CACNA2D4: variants seen among roughly 807,000 people sequenced by gnomAD.
The protein encoded by CACNA2D4 is calcium voltage-gated channel auxiliary subunit alpha2delta 4.
A neutral mutation model predicts 163.8 loss-of-function variants in CACNA2D4; 157 were observed. The ratio of observed to expected loss-of-function variants is 0.96; its 90% CI spans 0.84 to 1.09. CACNA2D4 has a LOEUF of 1.09. Among genes scored for constraint, CACNA2D4 ranks in the 50% least tolerant of loss-of-function variants. The pLI, the probability that CACNA2D4 is intolerant of heterozygous loss-of-function variation, is 0.00. For synonymous variants in CACNA2D4, 598 were observed against 586.9 expected, an observed-to-expected ratio of 1.02 and a Z score of -0.27; for missense variants, 1,410 against 1,479.9, an observed-to-expected ratio of 0.95 and a Z score of 0.78.
At chr12:1,907,720 G>A (rs1362565814) in intron 5 of CACNA2D4, 149 bp from the exon 6 acceptor site, 2 of 1,186,664 alleles carry the variant, frequency 1.7e-6, no homozygotes, top group Non-Finnish European at 2.4e-6. Context: ...TCTGGTGGAC[G>A]GCCTGGTGGG....
At chr12:1,905,154 C>A (rs998109445) in intron 6 of CACNA2D4, among the ~76,000 whole-genome samples, 11 of 151,952 alleles carry the variant, frequency 7.2e-5, no homozygotes, top group Non-Finnish European at 2.9e-5. Flanking sequence ...AAGCATTTCA[C>A]AAAATTCTAC....
In CACNA2D4 at chr12:1,860,202, C is replaced by T. The variant is rs759766082; in HGVS notation, c.1883G>A (p.Arg628Gln). The change falls in exon 19 of 38, where the codon CGA becomes CAA. Residue 628 changes from arginine to glutamine, a missense_variant. Physicochemically the swap from Arg to Gln is conservative, Grantham distance 43. Coordinates refer to ENST00000382722, the MANE Select transcript of CACNA2D4 (RefSeq NM_172364.5). ...GTAGTCATTGGTCAGGAAAAGAACT[C>T]GCTTCTGAAAGAGTAGACAAGGAAA... ...DVKVPMDKGK[R>Q]VLFLTNDYFF... The T allele has an allele frequency of 9.3e-6, 15 of 1,613,292 alleles. No homozygotes were observed. The highest frequency in any genetic ancestry group is 4.0e-5 in the African/African-American group (3 of 74,934).
intron 26 of CACNA2D4, chr12:1,831,270 C>A (rs754900662): frequency 6.2e-7 from 1 of 1,613,672 alleles, no homozygotes; most frequent in African/African-American, 1.3e-5. Flanking sequence ...GGACAGGGAC[C>A]TGCTGCGGCA....
chr12:1,881,198 GT>G (rs1865988143), intron 13 of CACNA2D4, among the ~76,000 whole-genome samples: 4 of 152,222 alleles, frequency 2.6e-5, no homozygotes, highest in Admixed American at 2.0e-4. Flanking sequence ...TGAGGGACAG[GT>G]GTAAAAGTGA....
At chr12:1,900,214 C>G (rs1447652548) in intron 6 of CACNA2D4, among the ~76,000 whole-genome samples, 1 of 152,200 alleles carries the variant, frequency 6.6e-6, no homozygotes, top group Non-Finnish European at 1.5e-5. Flanking sequence ...ACTGCAGCCT[C>G]AGACTCCTGG....
intron 34 of CACNA2D4, chr12:1,797,741 C>G: frequency 3.4e-6 from 2 of 591,802 alleles, no homozygotes. Context: ...TGGCTTGGCA[C>G]GGGGAGCGCC....
At chr12:1,893,019 A>G (rs937847043) in intron 6 of CACNA2D4, among the ~76,000 whole-genome samples, 12 of 152,346 alleles carry the variant, frequency 7.9e-5, no homozygotes, top group African/African-American at 2.2e-4. Context: ...ATCTAAAGGG[A>G]GAGACAGACT....
intron 26 of CACNA2D4, among the ~76,000 whole-genome samples, chr12:1,822,533 G>T (rs1230295664): frequency 1.3e-5 from 2 of 152,160 alleles, no homozygotes; most frequent in East Asian, 3.9e-4. Context: ...TCATGTCAGG[G>T]ACCAGCTCCC....
At chr12:1,846,875 A>G (rs1261752780) in intron 23 of CACNA2D4, among the ~76,000 whole-genome samples, 186 bp from the exon 24 acceptor site, 2 of 152,206 alleles carry the variant, frequency 1.3e-5, no homozygotes, top group East Asian at 3.9e-4. Context: ...GGTGCCCATC[A>G]GGTTTCAGGC....
In CACNA2D4 at chr12:1,878,527, G is replaced by T; in HGVS notation, c.1645-138C>A. The T allele has an allele frequency of 6.8e-7, 1 of 1,470,340 alleles. No individual in the cohort carries two copies. Among genetic ancestry groups the T allele is most frequent in the Non-Finnish European group, 9.2e-7 (1 of 1,084,792 alleles). 91.1% of individuals were successfully genotyped at this position (1,470,340 alleles called of 1,614,324 possible). A position where few individuals can be genotyped will look rare whatever the true frequency, so the allele number is the denominator to read the frequency against. Reference sequence around the variant, plus strand: ...GAGTGTTTTCAATAGGAACGTAACTGAGCCAGTGCCATGCTTCCATCATTG... The same window carrying T: ...GAGTGTTTTCAATAGGAACGTAACTTAGCCAGTGCCATGCTTCCATCATTG... On this transcript the variant is annotated intron_variant, in intron 15 of 37. Coordinates refer to ENST00000382722, the MANE Select transcript of CACNA2D4 (RefSeq NM_172364.5). This position sits in a 1 kb window ranked among gnomAD's most constrained non-coding sequence, Gnocchi z 4.6.
intron 29 of CACNA2D4, among the ~76,000 whole-genome samples, chr12:1,807,377 G>A (rs1863575895): frequency 6.6e-6 from 1 of 151,470 alleles, no homozygotes; most frequent in Non-Finnish European, 1.5e-5. Flanking sequence ...AAGACCCTGA[G>A]CCAGCCGCAC....
At chr12:1,831,178 T>C in intron 26 of CACNA2D4, 1 of 1,614,000 alleles carries the variant, frequency 6.2e-7, no homozygotes, top group Non-Finnish European at 8.5e-7. Context: ...AACAACTTCC[T>C]GGACCGGCTG....
chr12:1,860,269 G>A (rs2370057), intron 18 of CACNA2D4, 63 bp from the exon 19 acceptor site: 14 of 1,283,018 alleles, frequency 1.1e-5, no homozygotes, highest in Non-Finnish European at 1.5e-5. Context: ...CCCCCACCTC[G>A]CCCCCAGGGC....
intron 18 of CACNA2D4, among the ~76,000 whole-genome samples, chr12:1,862,362 C>T (rs765801281): frequency 1.3e-5 from 2 of 152,166 alleles, no homozygotes; most frequent in Non-Finnish European, 2.9e-5. Context: ...TTCTCCACAG[C>T]GCTGCCAGTA....
At chr12:1,852,837 C>T (rs1865315011) in intron 23 of CACNA2D4, among the ~76,000 whole-genome samples, 1 of 152,152 alleles carries the variant, frequency 6.6e-6, no homozygotes, top group Admixed American at 6.5e-5. Flanking sequence ...GATTCCAGCT[C>T]TGCCACTTTC....
At chr12:1,902,613 C>T (rs1866563460) in intron 6 of CACNA2D4, among the ~76,000 whole-genome samples, 1 of 151,918 alleles carries the variant, frequency 6.6e-6, no homozygotes, top group South Asian at 2.1e-4. Flanking sequence ...ATCCCATTTA[C>T]AATAGCCACA....
In CACNA2D4 at chr12:1,884,792, C is replaced by T; in HGVS notation, c.1248G>A (p.Glu416=). Reference sequence around the variant, plus strand: ...CCTTACAGTCTGGCCAGTTATACTTCTCAAACACCGGCTCGTAGTCCTCCA... The same window carrying T: ...CCTTACAGTCTGGCCAGTTATACTTTTCAAACACCGGCTCGTAGTCCTCCA... ...GAVEDYEPVF[E]KYNWPDCKVR... The change falls in exon 11 of 38, where the codon GAG becomes GAA. Residue 416 remains glutamate (E), a synonymous_variant. Transcript: ENST00000382722. The T allele has an allele frequency of 6.2e-7, 1 of 1,613,680 alleles. No individual in the cohort carries two copies. The highest frequency in any genetic ancestry group is 8.5e-7 in the Non-Finnish European group (1 of 1,179,724).
intron 3 of CACNA2D4, among the ~76,000 whole-genome samples, chr12:1,910,996 G>C (rs1001247642): frequency 6.7e-6 from 1 of 150,286 alleles, no homozygotes; most frequent in Non-Finnish European, 1.5e-5. Flanking sequence ...TCAACTTTAT[G>C]TCACCTGTAT....
At position 1,806,684 on chromosome 12, in the gene CACNA2D4, CA is replaced by C. The variant is rs1863550398; in HGVS notation, c.2721+3593del. 6.6e-6 allele frequency among the ~76,000 whole-genome samples: 1 copy of C among 152,190 alleles called. No homozygotes were observed. The highest frequency in any genetic ancestry group is 6.5e-5 in the Admixed American group (1 of 15,288). On this transcript the variant is annotated intron_variant, in intron 29 of 37. Transcript: ENST00000382722. The surrounding 1 kb of genome is among the most constrained non-coding windows in gnomAD (Gnocchi z 4.1). ...AGCCAGGAGGCCTGGGGAGGGTTCT[CA>C]ACCCACCATGCACCCAGTCACCTGG... is the stretch of plus-strand genomic sequence containing the variant.
Sources: allele counts gnomAD v4.1 joint callset (sites outside exome capture counted in the v4.1 genomes callset), GRCh38; gene constraint gnomAD v4.1.1; non-coding constraint Gnocchi (gnomAD v3.1); transcripts MANE v1.5; gene names NCBI Gene and HGNC (gene_info 2026-07-23, HGNC 2026-07-21).